ATP8A2: variants seen among roughly 807,000 people sequenced by gnomAD.
The protein encoded by ATP8A2 is phospholipid-transporting ATPase IB.
ATP8A2 carries 100 observed loss-of-function variants against 165.6 expected under a neutral mutation model. The observed-to-expected ratio is 0.60, with a 90% CI of 0.51 to 0.71. The LOEUF (loss-of-function observed/expected upper bound fraction) is 0.71. Ranked by LOEUF, ATP8A2 falls within the 30% of genes least tolerant of loss-of-function variation. The probability of loss-of-function intolerance (pLI) is 0.00; values close to 1 mark genes in which losing one functional copy is unlikely to be tolerated. For missense variants in ATP8A2, 1,227 were observed against 1,479.5 expected (o/e 0.83, Z 2.80); for synonymous variants, 543 against 548.8 (o/e 0.99, Z 0.15).
At chr13:25,567,158 C>G in intron 16 of ATP8A2, 1 of 335,106 alleles carries the variant, frequency 3.0e-6, no homozygotes, top group South Asian at 2.4e-5. Context: ...TTCTGACTCT[C>G]ACAGGTGTTC....
intron 33 of ATP8A2, among the ~76,000 whole-genome samples, chr13:25,954,255 G>A (rs1422734784): frequency 6.6e-6 from 1 of 152,202 alleles, no homozygotes; most frequent in Non-Finnish European, 1.5e-5. Flanking sequence ...TTTGAACTGG[G>A]TGGAGCCCAC....
intron 5 of ATP8A2, among the ~76,000 whole-genome samples, 153 bp downstream of exon 5, chr13:25,532,470 CA>C (rs1324761730): frequency 6.6e-6 from 1 of 152,034 alleles, no homozygotes; most frequent in East Asian, 1.9e-4. Context: ...ACAAACTGAA[CA>C]TAATTTTAGT....
intron 24 of ATP8A2, among the ~76,000 whole-genome samples, chr13:25,691,319 T>C (rs1276811531): frequency 1.3e-5 from 2 of 152,204 alleles, no homozygotes; most frequent in Non-Finnish European, 2.9e-5. Context: ...AATCCTACGC[T>C]TAAAATGGGT....
chr13:25,988,878 T>C (rs755866172), intron 35 of ATP8A2, among the ~76,000 whole-genome samples: 11 of 152,242 alleles, frequency 7.2e-5, no homozygotes, highest in Non-Finnish European at 1.5e-4. Context: ...GCAATTCTTA[T>C]GGAGGGAGTT....
intron 16 of ATP8A2, among the ~76,000 whole-genome samples, chr13:25,566,533 G>A (rs1172535690): frequency 6.6e-6 from 1 of 152,176 alleles, no homozygotes; most frequent in Admixed American, 6.5e-5. Flanking sequence ...TGGAAAAGGA[G>A]AAAGTGGCAG....
chr13:25,424,528 A>G (rs2034388628), intron 1 of ATP8A2, among the ~76,000 whole-genome samples: 1 of 152,224 alleles, frequency 6.6e-6, no homozygotes, highest in African/African-American at 2.4e-5. Context: ...CATATATTTA[A>G]GTCTAACTGC....
At chr13:25,793,246 C>A (rs2045228515) in intron 27 of ATP8A2, among the ~76,000 whole-genome samples, 1 of 152,184 alleles carries the variant, frequency 6.6e-6, no homozygotes, top group Admixed American at 6.5e-5. Context: ...ACCATCAGTA[C>A]AAAGACTTTT....
chr13:25,757,529 A>G (rs1419527127), intron 25 of ATP8A2, among the ~76,000 whole-genome samples: 2 of 131,658 alleles, frequency 1.5e-5, no homozygotes, highest in Non-Finnish European at 3.4e-5. Flanking sequence ...GTGTGTGCAC[A>G]CGCACTTAGA....
chr13:25,934,147 G>A (rs544440738), intron 33 of ATP8A2, among the ~76,000 whole-genome samples: 17 of 152,346 alleles, frequency 1.1e-4, no homozygotes, highest in Admixed American at 7.2e-4. Flanking sequence ...TTATGAAGTG[G>A]TGTTACCTGT....
intron 2 of ATP8A2, among the ~76,000 whole-genome samples, chr13:25,509,300 A>G (rs998378812): frequency 3.3e-5 from 5 of 152,204 alleles, no homozygotes; most frequent in African/African-American, 1.2e-4. Flanking sequence ...AAAAATTTAC[A>G]TGACATATAT....
intron 27 of ATP8A2, among the ~76,000 whole-genome samples, chr13:25,785,907 A>G (rs1257015640): frequency 6.6e-6 from 1 of 152,212 alleles, no homozygotes; most frequent in Non-Finnish European, 1.5e-5. Context: ...AATGATCCTC[A>G]TGTTTGACAA....
intron 2 of ATP8A2, among the ~76,000 whole-genome samples, chr13:25,478,708 T>C (rs2036067000): frequency 6.6e-6 from 1 of 152,216 alleles, no homozygotes; most frequent in Non-Finnish European, 1.5e-5. Flanking sequence ...ACGTATAACA[T>C]ATACCATACG....
intron 1 of ATP8A2, among the ~76,000 whole-genome samples, chr13:25,386,339 A>G (rs2033044172): frequency 6.6e-6 from 1 of 152,182 alleles, no homozygotes; most frequent in African/African-American, 2.4e-5. Context: ...TTAAACTTAG[A>G]GGAACTCAGT....
intron 35 of ATP8A2, among the ~76,000 whole-genome samples, chr13:25,998,433 G>A (rs1956561969): frequency 6.6e-6 from 1 of 152,134 alleles, no homozygotes; most frequent in Admixed American, 6.5e-5. Context: ...TGGGGGTGAG[G>A]GGGCCACCTT....
At chr13:25,427,303 C>G (rs905067907) in intron 1 of ATP8A2, among the ~76,000 whole-genome samples, 1 of 151,820 alleles carries the variant, frequency 6.6e-6, no homozygotes, top group Non-Finnish European at 1.5e-5. Flanking sequence ...TGATCTGTCA[C>G]TGTCTCCCAT....
intron 24 of ATP8A2, among the ~76,000 whole-genome samples, chr13:25,643,664 T>C (rs536016427): frequency 6.6e-6 from 1 of 152,266 alleles, no homozygotes; most frequent in South Asian, 2.1e-4. Context: ...ACTATCACTT[T>C]ATAGTATCGT....
At chr13:25,553,672 T>G in intron 11 of ATP8A2, 121 bp from the exon 12 acceptor site, 1 of 1,021,498 alleles carries the variant, frequency 9.8e-7, no homozygotes. Flanking sequence ...GAAAGCAGCC[T>G]TTGAACTCAC....
At chr13:25,652,417 G>A (rs1330687047) in intron 24 of ATP8A2, among the ~76,000 whole-genome samples, 2 of 152,040 alleles carry the variant, frequency 1.3e-5, no homozygotes, top group Admixed American at 1.3e-4. Flanking sequence ...TTGTGCCAGC[G>A]TCACAGACTT....
At chr13:25,697,691 A>G (rs1325285279) in intron 24 of ATP8A2, among the ~76,000 whole-genome samples, 1 of 152,190 alleles carries the variant, frequency 6.6e-6, no homozygotes, top group Non-Finnish European at 1.5e-5. Flanking sequence ...TGATTAGTTT[A>G]TTTGTTCATA....
Sources: gnomAD v4.1 joint callset for allele counts (sites outside exome capture counted in the v4.1 genomes callset) on GRCh38, gnomAD v4.1.1 for gene constraint, MANE v1.5 for transcripts, NCBI Gene and HGNC (gene_info 2026-07-23, HGNC 2026-07-21) for gene names.